The following PPIL6 variants were observed in gnomAD, a reference collection of about 807,000 sequenced individuals.
PPIL6 encodes probable inactive peptidyl-prolyl cis-trans isomerase-like 6.
PPIL6 carries 39 observed loss-of-function variants against 36.8 expected under a neutral mutation model. The observed-to-expected ratio is 1.06, with a 90% CI of 0.82 to 1.38. PPIL6 has a LOEUF of 1.38. Among genes scored for constraint, PPIL6 ranks in the 40% most tolerant of loss-of-function variants. The pLI is 0.00. For synonymous variants in PPIL6, 123 were observed against 134.1 expected, an observed-to-expected ratio of 0.92 and a Z score of 0.57; for missense variants, 368 against 379.1, an observed-to-expected ratio of 0.97 and a Z score of 0.24.
chr6:109,433,509 C>T (rs531343288), intron 2 of PPIL6, among the ~76,000 whole-genome samples: 3 of 152,296 alleles, frequency 2.0e-5, no homozygotes, highest in Admixed American at 6.5e-5. Context: ...GAGGCGTGCT[C>T]GCCTGCCTCA....
intron 6 of PPIL6, among the ~76,000 whole-genome samples, chr6:109,406,776 A>G (rs931081512): frequency 1.3e-5 from 2 of 152,128 alleles, no homozygotes; most frequent in African/African-American, 4.8e-5. Context: ...CCTTTATTTT[A>G]TAATATCATT....
rs2115265653 is a variant in PPIL6, at chr6:109,426,949, A to C, written c.529T>G (p.Leu177Val). Residue 177 changes from leucine (L) to valine (V), a missense_variant, in exon 5 of 8, where the codon TTG becomes GTG. Leu to Val is a conservative substitution (Grantham distance 32). Transcript: ENST00000521072. ...CPKTCKNFQV[L>V]CTGKAGFSQR... Reference sequence around the variant, plus strand: ...GAAAACCCTGCTTTTCCTGTGCACAAGACCTGAAAATTTTTACATGTTTTG... The same window carrying C: ...GAAAACCCTGCTTTTCCTGTGCACACGACCTGAAAATTTTTACATGTTTTG... The C allele has an allele frequency of 6.2e-7, 1 of 1,608,638 alleles. No individual in the cohort carries two copies. The highest frequency in any genetic ancestry group is 1.3e-5 in the African/African-American group (1 of 74,964).
chr6:109,419,460 C>T (rs956344615), intron 5 of PPIL6, among the ~76,000 whole-genome samples: 1 of 151,672 alleles, frequency 6.6e-6, no homozygotes, highest in Non-Finnish European at 1.5e-5. Context: ...TGGTAGCTCA[C>T]GCCTGTAATC....
chr6:109,410,865 C>G, intron 6 of PPIL6, among the ~76,000 whole-genome samples: 1 of 152,088 alleles, frequency 6.6e-6, no homozygotes, highest in East Asian at 1.9e-4. Context: ...AGTACTGCCC[C>G]CTTCCAGAAA....
chr6:109,418,079 C>T (rs1253092394), intron 6 of PPIL6: 4 of 152,544 alleles, frequency 2.6e-5, no homozygotes, highest in African/African-American at 9.7e-5. Context: ...TTTCTAGTTT[C>T]AAAAAGCTCC....
intron 5 of PPIL6, among the ~76,000 whole-genome samples, chr6:109,422,374 T>C (rs1582572925): frequency 6.6e-6 from 1 of 152,144 alleles, no homozygotes; most frequent in East Asian, 1.9e-4. Context: ...GATTCATTGT[T>C]TGAGTCCAGG....
In PPIL6 at chr6:109,423,899, A is replaced by G. The variant is rs116530583; in HGVS notation, c.631+2948T>C. Among the ~76,000 whole-genome samples the G allele has an allele frequency of 2.7e-3, 410 of 152,252 alleles. 1 individual carries two copies. Among genetic ancestry groups the G allele is most frequent in the African/African-American group, 9.5e-3 (394 of 41,544 alleles). On this transcript the variant is annotated intron_variant, in intron 5 of 7. Coordinates refer to ENST00000521072, the MANE Select transcript of PPIL6 (RefSeq NM_173672.5). ...ACACTCTCTTCCTTCTTTTCTTTCT[A>G]CAAGTATTTATTAAGCACCTACTAT...
In PPIL6 at chr6:109,436,274, C is replaced by T. The variant is rs150129238; in HGVS notation, c.136-75G>A. 630 of 895,552 alleles carry T rather than the reference C, an allele frequency of 7.0e-4. 4 individuals are homozygous for T. The African/African-American group carries it at 8.7e-3, about 12-fold the overall frequency. The allele number at this position is 895,552 out of a possible 1,614,324, so 55.5% of individuals were successfully genotyped here. On this transcript the variant is annotated intron_variant, in intron 1 of 7. Transcript: ENST00000521072. ...TCAAAATCATGTTCCCCAATTTTTA[C>T]GGGGTTTCCAGAAGTTTTATACAAC...
Position 109,424,676 on chromosome 6 carries a change from C to A in PPIL6, c.631+2171G>T, listed in dbSNP as rs147075716. On this transcript the variant is annotated intron_variant, in intron 5 of 7. Coordinates refer to ENST00000521072, the MANE Select transcript of PPIL6 (RefSeq NM_173672.5). ...GGCACAAGATACAGGTCATTAAGAC[C>A]TTGCTGATAAAACAGGCTACAGTAA... 8.8e-3 allele frequency among the ~76,000 whole-genome samples: 1,335 copies of A among 152,232 alleles called. 12 individuals are homozygous for A. Among genetic ancestry groups the A allele is most frequent in the Middle Eastern group, 0.061 (18 of 294 alleles).
intron 7 of PPIL6, among the ~76,000 whole-genome samples, chr6:109,399,118 A>G (rs1772417968): frequency 6.6e-6 from 1 of 151,232 alleles, no homozygotes; most frequent in Non-Finnish European, 1.5e-5. Flanking sequence ...TTATTTATTT[A>G]TTTATTTAAG....
upstream of PPIL6, chr6:109,440,675 G>C: frequency 1.8e-6 from 2 of 1,081,760 alleles, no homozygotes; most frequent in Non-Finnish European, 2.3e-6. Flanking sequence ...GCTCGCAGGA[G>C]GCGGGGCCCA....
intron 6 of PPIL6, among the ~76,000 whole-genome samples, chr6:109,405,843 A>G (rs112602224): frequency 0.014 from 2,153 of 152,062 alleles, 31 homozygotes; most frequent in Non-Finnish European, 0.017. Context: ...TTCCATACCC[A>G]CCTTCATGAA....
At chr6:109,417,036 G>A (rs563412923) in intron 6 of PPIL6, among the ~76,000 whole-genome samples, 1 of 151,888 alleles carries the variant, frequency 6.6e-6, no homozygotes, top group Non-Finnish European at 1.5e-5. Context: ...CCAGCGTGGT[G>A]GCATGCACCT....
chr6:109,436,761 CTCTG>C lies in PPIL6; in HGVS notation c.136-566_136-563del, dbSNP rs1338095649. Among the ~76,000 whole-genome samples, 10 of 151,934 alleles carry C rather than the reference CTCTG, an allele frequency of 6.6e-5. No homozygotes were observed. In the East Asian group the frequency reaches 7.7e-4, roughly 12 times the overall value. On this transcript the variant is annotated intron_variant, in intron 1 of 7. Transcript: ENST00000521072. ...AAAAAACAAAACAAAACAAAAAAAA[CTCTG>C]TCTTAGTATTCCTATATTCCCACCT...
chr6:109,424,830 T>C (rs1773732054), intron 5 of PPIL6, among the ~76,000 whole-genome samples: 1 of 152,204 alleles, frequency 6.6e-6, no homozygotes, highest in Non-Finnish European at 1.5e-5. Flanking sequence ...AGTTACCCTG[T>C]ATGGTCTGAA....
intron 6 of PPIL6, chr6:109,402,881 G>A (rs1282594194): frequency 1.8e-6 from 1 of 551,122 alleles, no homozygotes. Flanking sequence ...GATCTTGTAT[G>A]CATCAAATAA....
At chr6:109,408,101 C>T (rs1772874687) in intron 6 of PPIL6, among the ~76,000 whole-genome samples, 1 of 152,200 alleles carries the variant, frequency 6.6e-6, no homozygotes, top group Non-Finnish European at 1.5e-5. Context: ...GGGCTCATGG[C>T]AACACTATTC....
At chr6:109,420,773 T>C (rs775628215) in intron 5 of PPIL6, among the ~76,000 whole-genome samples, 1 of 152,184 alleles carries the variant, frequency 6.6e-6, no homozygotes, top group Non-Finnish European at 1.5e-5. Flanking sequence ...TTACCTACAA[T>C]AAAAGTGTGT....
chr6:109,408,551 A>C (rs1326593608), intron 6 of PPIL6, among the ~76,000 whole-genome samples: 1 of 152,226 alleles, frequency 6.6e-6, no homozygotes, highest in African/African-American at 2.4e-5. Flanking sequence ...CAAACATCTA[A>C]GATATATGCA....
Sources: allele counts gnomAD v4.1 joint callset (sites outside exome capture counted in the v4.1 genomes callset), GRCh38; gene constraint gnomAD v4.1.1; transcripts MANE v1.5; gene names NCBI Gene and HGNC (gene_info 2026-07-23, HGNC 2026-07-21).